Variants in HSD3B2 observed in about 807,000 individuals in gnomAD.
HSD3B2 encodes the protein hydroxy-delta-5-steroid dehydrogenase, 3 beta- and steroid delta-isomerase 2.
In HSD3B2, 8 loss-of-function variants were observed where a neutral mutation model predicts 9.9. The observed-to-expected ratio is 0.81, with a 90% CI of 0.47 to 1.46. HSD3B2 has a LOEUF of 1.46. HSD3B2 is among the 40% of genes most tolerant of loss of function. The pLI is 0.00. For synonymous variants in HSD3B2, 221 were observed against 184.5 expected (o/e 1.20, Z -1.60); for missense variants, 410 against 448.3 (o/e 0.91, Z 0.77).
In HSD3B2 at chr1:119,422,716, C is replaced by T; in HGVS notation, c.*96C>T. The T allele has an allele frequency of 1.4e-6, 2 of 1,422,454 alleles. No homozygotes were observed. Among genetic ancestry groups the T allele is most frequent in the Non-Finnish European group, 2.0e-6 (2 of 1,024,948 alleles). The allele number at this position is 1,422,454 out of a possible 1,614,324, so 88.1% of individuals were successfully genotyped here. ...ATACAGAAGGCAACAGGGGCACAAGCCCAGGTCCTGCTGCCTCTCTTTCAC... is the reference window on the plus strand; with the variant it reads ...ATACAGAAGGCAACAGGGGCACAAGTCCAGGTCCTGCTGCCTCTCTTTCAC... On this transcript the variant is annotated 3_prime_UTR_variant, in exon 4 of 4. Coordinates refer to ENST00000369416, the MANE Select transcript of HSD3B2 (RefSeq NM_000198.4).
chr1:119,420,223 G>T (rs1192940748), intron 3 of HSD3B2, among the ~76,000 whole-genome samples: 2 of 152,100 alleles, frequency 1.3e-5, no homozygotes, highest in Middle Eastern at 3.2e-3. Context: ...TTTCCTGCCA[G>T]GTGCCCAAAG....
intron 2 of HSD3B2, among the ~76,000 whole-genome samples, chr1:119,416,777 C>T (rs771484890): frequency 5.3e-5 from 8 of 152,230 alleles, no homozygotes; most frequent in Non-Finnish European, 8.8e-5. Flanking sequence ...ATTTCCTCCA[C>T]TCTCTGTTCT....
chr1:119,422,428 C>T lies in HSD3B2; in HGVS notation c.927C>T (p.Ser309=). The T allele has an allele frequency of 1.2e-6, 2 of 1,614,102 alleles. No homozygotes were observed. Among genetic ancestry groups the T allele is most frequent in the South Asian group, 2.2e-5 (2 of 91,076 alleles). ...GCTTCCTACTCAGCCCAATTTACTC[C>T]TATCAACCCCCCTTCAACCGCCACA... ...VVSFLLSPIY[S]YQPPFNRHTV... The change falls in exon 4 of 4, where the codon TCC becomes TCT. Residue 309 remains serine (S), a synonymous_variant. Coordinates refer to ENST00000369416, the MANE Select transcript of HSD3B2 (RefSeq NM_000198.4).
chr1:119,421,717 G>A, intron 3 of HSD3B2, 92 bp from the exon 4 acceptor site: 2 of 1,363,982 alleles, frequency 1.5e-6, no homozygotes, highest in South Asian at 1.2e-5. Context: ...CACTGCACTT[G>A]GGAGTGGGGA....
chr1:119,419,566 G>A lies in HSD3B2; in HGVS notation c.291G>A (p.Met97Ile), dbSNP rs1651804275. The A allele has an allele frequency of 6.2e-7, 1 of 1,613,818 alleles. No individual in the cohort carries two copies. The change falls in exon 3 of 4, where the codon ATG (methionine) becomes ATA (isoleucine). Residue 97 changes from methionine (M) to isoleucine (I), a missense_variant. Met to Ile is a conservative substitution (Grantham distance 10). Coordinates refer to ENST00000369416, the MANE Select transcript of HSD3B2 (RefSeq NM_000198.4). The part of the protein sequence containing the change: ...VFGVTHRESI[M>I]NVNVKGTQLL... ...GTGTCACTCACAGAGAGTCCATCATGAATGTCAATGTGAAAGGTACAGTAG... is the reference window on the plus strand; with the variant it reads ...GTGTCACTCACAGAGAGTCCATCATAAATGTCAATGTGAAAGGTACAGTAG...
At chr1:119,416,711 G>A (rs1022389881) in intron 2 of HSD3B2, among the ~76,000 whole-genome samples, 3 of 152,164 alleles carry the variant, frequency 2.0e-5, no homozygotes, top group Non-Finnish European at 2.9e-5. Context: ...TCACACAGAA[G>A]CTCCCCTTGA....
chr1:119,416,404 G>A (rs1383914422), intron 2 of HSD3B2, among the ~76,000 whole-genome samples: 1 of 152,182 alleles, frequency 6.6e-6, no homozygotes, highest in Non-Finnish European at 1.5e-5. Context: ...AAATAACCCT[G>A]TGAGGAAGGT....
At chr1:119,419,662 A>T (rs1651807347) in intron 3 of HSD3B2, 80 bp downstream of exon 3, 1 of 1,339,484 alleles carries the variant, frequency 7.5e-7, no homozygotes, top group Non-Finnish European at 1.1e-6. Flanking sequence ...AAGAGAAGTC[A>T]CTCCATTGAA....
At position 119,419,584 on chromosome 1, in the gene HSD3B2, T is replaced by A. The variant is rs1386404279; in HGVS notation, c.307+2T>A. On this transcript the variant is annotated splice_donor_variant, in intron 3 of 3. Transcript: ENST00000369416. LOFTEE classifies it high-confidence loss of function. ...CCATCATGAATGTCAATGTGAAAGGTACAGTAGCCTGGGGAGGAGATAAAA... is the reference window on the plus strand; with the variant it reads ...CCATCATGAATGTCAATGTGAAAGGAACAGTAGCCTGGGGAGGAGATAAAA... The A allele has an allele frequency of 1.2e-6, 2 of 1,613,578 alleles. No individual in the cohort carries two copies. The highest frequency in any genetic ancestry group is 2.2e-5 in the South Asian group (2 of 91,058).
Position 119,415,477 on chromosome 1 carries a change from C to T in HSD3B2, c.58C>T (p.Arg20Cys), listed in dbSNP as rs139191056. The change falls in exon 2 of 4, where the codon CGC becomes TGC. Residue 20 changes from arginine to cysteine, a missense_variant. Transcript: ENST00000369416. The stretch of plus-strand genomic sequence containing the variant: ...AGGGCTTCTGGGTCAGAGGATCGTC[C>T]GCCTGTTGGTGGAAGAGAAGGAACT... The part of the protein sequence containing the change: ...AGGLLGQRIV[R>C]LLVEEKELKE... 2.2e-5 allele frequency: 35 copies of T among 1,613,726 alleles called. No individual in the cohort carries two copies. The highest frequency in any genetic ancestry group is 6.7e-5 in the East Asian group (3 of 44,848).
chr1:119,421,442 TATATATATATGTATATATATATGTA>T (rs1651863346), intron 3 of HSD3B2, among the ~76,000 whole-genome samples: 1 of 19,674 alleles, frequency 5.1e-5, no homozygotes, highest in African/African-American at 3.7e-4. Context: ...TATATATATG[TATATATATATGTATATATATATGTA>T]TATATATATG....
chr1:119,417,474 G>C (rs1327841462), intron 2 of HSD3B2: 1 of 152,212 alleles, frequency 6.6e-6, no homozygotes, highest in Non-Finnish European at 1.5e-5. Context: ...CAGCAAAGGA[G>C]AAGCAGATGA....
At chr1:119,416,231 A>AAGTGC (rs1431507350) in intron 2 of HSD3B2, among the ~76,000 whole-genome samples, 1 of 152,184 alleles carries the variant, frequency 6.6e-6, no homozygotes, top group Non-Finnish European at 1.5e-5. Context: ...GAGCATGCAC[A>AAGTGC]AGTGCACGGC....
At chr1:119,419,327 T>G in intron 2 of HSD3B2, 91 bp from the exon 3 acceptor site, 2 of 1,237,012 alleles carry the variant, frequency 1.6e-6, no homozygotes, top group Non-Finnish European at 2.4e-6. Flanking sequence ...CACTCTAATC[T>G]CTTTGAGCAC....
At position 119,422,216 on chromosome 1, in the gene HSD3B2, C is replaced by T. The variant is rs771922495; in HGVS notation, c.715C>T (p.Leu239=). Residue 239 remains leucine (L), a synonymous_variant, in exon 4 of 4, where the codon CTG becomes TTG. Transcript: ENST00000369416. ...AWAHILALRA[L]RDPKKAPSVR... ...GGCCCACATTCTGGCCTTGAGGGCT[C>T]TGCGGGACCCCAAGAAGGCCCCAAG... is the stretch of plus-strand genomic sequence containing the variant. 72 of 1,613,952 alleles carry T rather than the reference C, an allele frequency of 4.5e-5. No individual in the cohort carries two copies. Among genetic ancestry groups the T allele is most frequent in the Admixed American group, 1.7e-4 (10 of 59,998 alleles).
Position 119,422,337 on chromosome 1 carries a change from T to A in HSD3B2, c.836T>A (p.Leu279His). Residue 279 changes from leucine to histidine, a missense_variant, in exon 4 of 4, where the codon CTT becomes CAT. By Grantham distance (99) the Leu-to-His change is moderately conservative. Transcript: ENST00000369416. ...YILSKEFGLR[L>H]DSRWSLPLTL... is the part of the protein sequence containing the mutation. ...CTGAGCAAAGAGTTTGGCCTCCGCC[T>A]TGATTCCAGATGGAGCCTTCCTTTA... 6.2e-7 allele frequency: 1 copy of A among 1,614,178 alleles called. No homozygotes were observed. The highest frequency in any genetic ancestry group is 8.5e-7 in the Non-Finnish European group (1 of 1,180,010).
chr1:119,419,349 C>A, intron 2 of HSD3B2, 69 bp from the exon 3 acceptor site: 2 of 1,470,322 alleles, frequency 1.4e-6, no homozygotes, highest in South Asian at 2.3e-5. Context: ...TATGTAACAT[C>A]GCCTTTATCA....
intron 2 of HSD3B2, among the ~76,000 whole-genome samples, chr1:119,419,215 A>T (rs895135939): frequency 3.2e-4 from 48 of 152,158 alleles, no homozygotes; most frequent in African/African-American, 1.1e-3. Context: ...GTAGAAACAG[A>T]TGTTTGCTCT....
chr1:119,415,201 C>T lies in HSD3B2; in HGVS notation c.-91C>T, dbSNP rs150977514. The T allele has an allele frequency of 3.0e-5, 16 of 532,842 alleles. No individual in the cohort carries two copies. The highest frequency in any genetic ancestry group is 4.0e-5 in the South Asian group (2 of 50,340). The allele number at this position is 532,842 out of a possible 1,614,324, so 33.0% of individuals were successfully genotyped here. A position where few individuals can be genotyped will look rare whatever the true frequency, so the allele number is the denominator to read the frequency against. Reference sequence around the variant, plus strand: ...GTCCAGCTTTTAACAATCTAAGTTACGGTTAGAGCTTTCTCCTTTTCTTTC... The same window carrying T: ...GTCCAGCTTTTAACAATCTAAGTTATGGTTAGAGCTTTCTCCTTTTCTTTC... On this transcript the variant is annotated splice_region_variant and 5_prime_UTR_variant, in exon 1 of 4. In the 5' UTR this introduces an upstream ATG that the reference lacks. Transcript: ENST00000369416.
Sources: allele counts gnomAD v4.1 joint callset (sites outside exome capture counted in the v4.1 genomes callset), GRCh38; gene constraint gnomAD v4.1.1; transcripts MANE v1.5; gene names NCBI Gene and HGNC (gene_info 2026-07-23, HGNC 2026-07-21).